Variants in GTF3C3 observed in about 807,000 individuals in gnomAD.
GTF3C3 encodes general transcription factor 3C polypeptide 3.
In GTF3C3, 75 loss-of-function variants were observed where a neutral mutation model predicts 105.2. The ratio of observed to expected loss-of-function variants is 0.71; its 90% CI spans 0.59 to 0.86. The LOEUF (loss-of-function observed/expected upper bound fraction) is 0.86, where lower values mean the gene tolerates loss of function less well. GTF3C3 is among the 40% of genes least tolerant of loss of function. The probability of loss-of-function intolerance (pLI) is 0.00; values close to 1 mark genes in which losing one functional copy is unlikely to be tolerated. For missense variants in GTF3C3, 856 were observed against 1,076.5 expected, an observed-to-expected ratio of 0.80 and a Z score of 2.87; for synonymous variants, 335 against 370.4, an observed-to-expected ratio of 0.90 and a Z score of 1.10.
intron 4 of GTF3C3, among the ~76,000 whole-genome samples, chr2:196,790,695 C>G (rs948751393): frequency 1.3e-5 from 2 of 152,180 alleles, no homozygotes; most frequent in East Asian, 1.9e-4. Flanking sequence ...TAAGCAGTAG[C>G]CTCAAATTAC....
At chr2:196,766,835 A>C (rs183890073) in intron 16 of GTF3C3, 118 bp from the exon 17 acceptor site, 1 of 693,648 alleles carries the variant, frequency 1.4e-6, no homozygotes, top group East Asian at 2.7e-5. Flanking sequence ...CTATCTGCTT[A>C]GTGTCCTATT....
chr2:196,764,723 A>G lies in GTF3C3; in HGVS notation c.2539-38T>C, dbSNP rs187707845. ...AGATACCTTTATGTTTAATATTTCC[A>G]ACTGTCAACCGGGACAATTTTATGG... is the stretch of plus-strand genomic sequence containing the variant. On this transcript the variant is annotated intron_variant, in intron 17 of 17. Transcript: ENST00000263956. 10 of 1,572,886 alleles carry G rather than the reference A, an allele frequency of 6.4e-6. No homozygotes were observed. In the East Asian group the frequency reaches 2.0e-4, roughly 32 times the overall value.
At chr2:196,787,633 C>G (rs1576032090) in intron 6 of GTF3C3, among the ~76,000 whole-genome samples, 1 of 152,254 alleles carries the variant, frequency 6.6e-6, no homozygotes, top group South Asian at 2.1e-4. Context: ...AAATAACACA[C>G]CCCCACCACA....
At chr2:196,772,875 C>CAAAG (rs757585785) in intron 14 of GTF3C3, 41 bp downstream of exon 14, 1 of 1,003,962 alleles carries the variant, frequency 1.0e-6, no homozygotes, top group Non-Finnish European at 1.5e-6. Context: ...TGTACTTACT[C>CAAAG]TATTAAAGAA....
intron 10 of GTF3C3, 119 bp downstream of exon 10, chr2:196,778,777 T>C (rs1351736283): frequency 4.6e-6 from 4 of 872,166 alleles, no homozygotes; most frequent in Non-Finnish European, 7.5e-6. Context: ...ATACTGACTT[T>C]CAAAAAACTC....
At chr2:196,775,331 G>C (rs1312767159) in intron 12 of GTF3C3, 80 bp from the exon 13 acceptor site, 6 of 1,349,148 alleles carry the variant, frequency 4.4e-6, no homozygotes, top group Non-Finnish European at 6.0e-6. Flanking sequence ...TGTTGGCTCA[G>C]GCTGGATTTG....
At position 196,771,956 on chromosome 2, in the gene GTF3C3, G is replaced by C. The variant is rs1480577193; in HGVS notation, c.2070-18C>G. On this transcript the variant is annotated intron_variant, in intron 14 of 17. Coordinates refer to ENST00000263956, the MANE Select transcript of GTF3C3 (RefSeq NM_012086.5). ...CCATTATCCTAAAATTGCAGGAAGA[G>C]GGTGAGGGAGAAAATAATGTAAAAA... 2 of 1,539,942 alleles carry C rather than the reference G, an allele frequency of 1.3e-6. No homozygotes were observed. The highest frequency in any genetic ancestry group is 1.7e-5 in the Admixed American group (1 of 59,912).
At chr2:196,773,207 G>T in intron 13 of GTF3C3, 54 bp from the exon 14 acceptor site, 2 of 990,428 alleles carry the variant, frequency 2.0e-6, no homozygotes, top group Non-Finnish European at 1.5e-6. Context: ...AGAAATAGCA[G>T]TATTAGAAAA....
Position 196,799,659 on chromosome 2 carries a change from G to T in GTF3C3, c.-48C>A. On this transcript the variant is annotated 5_prime_UTR_variant, in exon 1 of 18. Coordinates refer to ENST00000263956, the MANE Select transcript of GTF3C3 (RefSeq NM_012086.5). ...ACCCCAGGAACCGGGACAGAGAACC[G>T]GAAGAGCAGCGCCTTCCAGAAGCTA... is the stretch of plus-strand genomic sequence containing the variant. 7.3e-7 allele frequency: 1 copy of T among 1,374,254 alleles called. No homozygotes were observed. The highest frequency in any genetic ancestry group is 1.0e-6 in the Non-Finnish European group (1 of 963,350). The allele number at this position is 1,374,254 out of a possible 1,614,324, so 85.1% of individuals were successfully genotyped here.
Position 196,776,714 on chromosome 2 carries a change from T to C in GTF3C3, c.1391-85A>G. ...TTACTCTTCCATTTTAAAAGAAATA[T>C]AGCAATATAAAAAATTATAACAAGA... is the stretch of plus-strand genomic sequence containing the variant. On this transcript the variant is annotated intron_variant, in intron 10 of 17. Transcript: ENST00000263956. The surrounding 1 kb of genome is among the most constrained non-coding windows in gnomAD (Gnocchi z 4.5). The C allele has an allele frequency of 1.1e-6, 1 of 881,344 alleles. No homozygotes were observed. The highest frequency in any genetic ancestry group is 1.7e-5 in the African/African-American group (1 of 58,796). 54.6% of individuals were successfully genotyped at this position (881,344 alleles called of 1,614,324 possible). A position where few individuals can be genotyped will look rare whatever the true frequency, so the allele number is the denominator to read the frequency against.
intron 2 of GTF3C3, 85 bp downstream of exon 2, chr2:196,797,712 T>C (rs1699669970): frequency 1.2e-6 from 1 of 804,048 alleles, no homozygotes; most frequent in Admixed American, 1.9e-5. Flanking sequence ...AGAGTATCAC[T>C]GCCATGAAAA....
intron 13 of GTF3C3, among the ~76,000 whole-genome samples, chr2:196,774,477 G>GT (rs1699228550): frequency 6.6e-6 from 1 of 152,086 alleles, no homozygotes; most frequent in Non-Finnish European, 1.5e-5. Flanking sequence ...TCCTATCCTG[G>GT]TACACCAGTG....
chr2:196,769,830 T>A lies in GTF3C3; in HGVS notation c.2385+85A>T, dbSNP rs577248549. 11 of 1,165,544 alleles carry A rather than the reference T, an allele frequency of 9.4e-6. No homozygotes were observed. In the African/African-American group the frequency reaches 1.7e-4, roughly 18 times the overall value. The allele number at this position is 1,165,544 out of a possible 1,614,324, so 72.2% of individuals were successfully genotyped here. On this transcript the variant is annotated intron_variant, in intron 16 of 17. Transcript: ENST00000263956. ...TACTGAGAGCATTGTGTATTACTTT[T>A]GAAGCAGGATTTTTAAAAAAAGTAT...
chr2:196,783,114 T>C (rs1262037781), intron 8 of GTF3C3, among the ~76,000 whole-genome samples: 1 of 152,170 alleles, frequency 6.6e-6, no homozygotes, highest in Non-Finnish European at 1.5e-5. Context: ...CCTAGTCTTC[T>C]GGACATATCT....
chr2:196,778,937 G>C lies in GTF3C3; in HGVS notation c.1349C>G (p.Ser450Cys), dbSNP rs1339340287. The C allele has an allele frequency of 6.2e-7, 1 of 1,614,010 alleles. No homozygotes were observed. The highest frequency in any genetic ancestry group is 8.5e-7 in the Non-Finnish European group (1 of 1,179,960). Reference protein sequence around the residue: ...ALPLLSALVCSERYNLAVVWL... With the variant: ...ALPLLSALVCCERYNLAVVWL... ...AACTACTGCAAGGTTGTATCTTTCA[G>C]AGCAAACAAGAGCACTGAGGAGGGG... Residue 450 changes from serine (S) to cysteine (C), a missense_variant, in exon 10 of 18, where the codon TCT (serine) becomes TGT (cysteine). Around this residue, in one of 3 missense-constraint regions of GTF3C3, gnomAD observed 605 missense variants for 833.6 expected, o/e 0.73. Transcript: ENST00000263956.
rs79372791 is a variant in GTF3C3, at chr2:196,796,992, G to C, written c.214+805C>G. Among the ~76,000 whole-genome samples, 21 of 152,282 alleles carry C rather than the reference G, an allele frequency of 1.4e-4. No homozygotes were observed. The East Asian group carries it at 4.0e-3, about 29-fold the overall frequency. On this transcript the variant is annotated intron_variant, in intron 2 of 17. Coordinates refer to ENST00000263956, the MANE Select transcript of GTF3C3 (RefSeq NM_012086.5). Reference sequence around the variant, plus strand: ...CAAATCTTGTTTGTTTTCTGCCCATGCTATGACTGTCTGTTCTCTGTGTAA... The same window carrying C: ...CAAATCTTGTTTGTTTTCTGCCCATCCTATGACTGTCTGTTCTCTGTGTAA...
chr2:196,778,833 G>C (rs747596054), intron 10 of GTF3C3, 63 bp downstream of exon 10: 16 of 1,398,932 alleles, frequency 1.1e-5, no homozygotes, highest in Non-Finnish European at 1.1e-5. Flanking sequence ...TTACCATCTT[G>C]GGAAAGTAAG....
At position 196,775,239 on chromosome 2, in the gene GTF3C3, G is replaced by A. The variant is rs1699241504; in HGVS notation, c.1708C>T (p.Arg570Ter). The A allele has an allele frequency of 6.2e-7, 1 of 1,601,030 alleles. No homozygotes were observed. The change falls in exon 13 of 18, where the codon CGA becomes TGA. Residue 570 changes from arginine (R) to a stop codon, truncating the protein, a stop_gained. Coordinates refer to ENST00000263956, the MANE Select transcript of GTF3C3 (RefSeq NM_012086.5). LOFTEE classifies it high-confidence loss of function. ...LAMLLKVAMN[R>*]AQVCLISSSK... Reference sequence around the variant, plus strand: ...CTGGATATCAAACAAACTTGGGCTCGATTCATTGCTACCTGAATTAAAGAT... The same window carrying A: ...CTGGATATCAAACAAACTTGGGCTCAATTCATTGCTACCTGAATTAAAGAT...
At chr2:196,788,515 T>C (rs1699491428) in intron 6 of GTF3C3, among the ~76,000 whole-genome samples, 1 of 152,222 alleles carries the variant, frequency 6.6e-6, no homozygotes, top group Admixed American at 6.5e-5. Context: ...TATTATATAC[T>C]GGCTCAAGAT....
Sources: allele counts gnomAD v4.1 joint callset (sites outside exome capture counted in the v4.1 genomes callset), GRCh38; gene constraint gnomAD v4.1.1; regional missense constraint gnomAD v4.1.1; non-coding constraint Gnocchi (gnomAD v3.1); transcripts MANE v1.5; gene names NCBI Gene and HGNC (gene_info 2026-07-23, HGNC 2026-07-21).